TRAPPC9: variants seen among roughly 807,000 people sequenced by gnomAD.
TRAPPC9 encodes IKK2 binding protein.
TRAPPC9 carries 83 observed loss-of-function variants against 124.0 expected under a neutral mutation model. That is an observed-to-expected ratio of 0.67 (90% CI 0.56 to 0.80). The LOEUF is 0.80. Among genes scored for constraint, TRAPPC9 ranks in the 30% least tolerant of loss-of-function variants. TRAPPC9 has a pLI of 0.00. For missense variants in TRAPPC9, 1,302 were observed against 1,508.3 expected (o/e 0.86, Z 2.27); for synonymous variants, 638 against 617.5 (o/e 1.03, Z -0.49).
In TRAPPC9 at chr8:140,378,706, C is replaced by T. The variant is rs79216934; in HGVS notation, c.1135-7526G>A. On this transcript the variant is annotated intron_variant, in intron 7 of 22. Transcript: ENST00000438773. The stretch of plus-strand genomic sequence containing the variant: ...TTTTCTATTTCATTCTTTTGCTAAA[C>T]GTGTCGTTTAGGGGATCTTGGCTTT... Among the ~76,000 whole-genome samples the T allele has an allele frequency of 6.1e-3, 934 of 152,222 alleles. 16 individuals carry two copies. Among genetic ancestry groups the T allele is most frequent in the African/African-American group, 0.021 (877 of 41,544 alleles).
At chr8:140,132,457 C>T (rs773417232) in intron 17 of TRAPPC9, among the ~76,000 whole-genome samples, 9 of 152,202 alleles carry the variant, frequency 5.9e-5, no homozygotes, top group Non-Finnish European at 1.2e-4. Context: ...AGATTGCCAT[C>T]ATCTTCCCTG....
chr8:140,458,325 G>A (rs977903183), upstream of TRAPPC9: 1 of 1,576,192 alleles, frequency 6.3e-7, no homozygotes, highest in Non-Finnish European at 8.6e-7. Context: ...CCTCTGTGAA[G>A]CTCAGGGGTG....
chr8:139,901,944 C>T lies in TRAPPC9; in HGVS notation c.2964+8203G>A, dbSNP rs145378686. Among the ~76,000 whole-genome samples, 70 of 152,236 alleles carry T rather than the reference C, an allele frequency of 4.6e-4. No homozygotes were observed. The East Asian group carries it at 0.012, about 26-fold the overall frequency. ...ATAAATCTGTATAAATTGCCCAGAA[C>T]GGTGCCTGGCATCTAGTAAGTGCCA... On this transcript the variant is annotated intron_variant, in intron 20 of 22. Transcript: ENST00000438773.
At chr8:139,758,187 T>A (rs1164623658) in intron 21 of TRAPPC9, among the ~76,000 whole-genome samples, 2 of 152,202 alleles carry the variant, frequency 1.3e-5, no homozygotes, top group Admixed American at 1.3e-4. Flanking sequence ...AGGGCCGGGA[T>A]GGCTGGAGGT....
chr8:140,358,769 C>A (rs773213661), intron 9 of TRAPPC9, among the ~76,000 whole-genome samples: 28 of 152,328 alleles, frequency 1.8e-4, no homozygotes, highest in Non-Finnish European at 3.5e-4. Context: ...AGTAATGAGT[C>A]GCCCAGACGG....
At chr8:139,890,169 G>T (rs1316706204) in intron 20 of TRAPPC9, among the ~76,000 whole-genome samples, 1 of 152,236 alleles carries the variant, frequency 6.6e-6, no homozygotes, top group African/African-American at 2.4e-5. Flanking sequence ...AGCACACGTG[G>T]AACCCAGTGG....
intron 16 of TRAPPC9, among the ~76,000 whole-genome samples, chr8:140,234,918 G>T (rs2063695668): frequency 6.6e-6 from 1 of 152,142 alleles, no homozygotes; most frequent in Non-Finnish European, 1.5e-5. Flanking sequence ...ACAAAAATTA[G>T]TGCTAACCAA....
Position 140,093,039 on chromosome 8 carries a change from A to G in TRAPPC9, c.2557-68960T>C, listed in dbSNP as rs570356253. Among the ~76,000 whole-genome samples, 432 of 152,140 alleles carry G rather than the reference A, an allele frequency of 2.8e-3. 2 individuals are homozygous for G. The highest frequency in any genetic ancestry group is 4.8e-3 in the Non-Finnish European group (327 of 67,988). ...GCAAGTATCTGAATGAAAAAAAAAA[A>G]AAGCTTTCCAGAATGTCCCCCTGCT... On this transcript the variant is annotated intron_variant, in intron 17 of 22. Transcript: ENST00000438773.
At chr8:140,113,626 T>C (rs2060823655) in intron 17 of TRAPPC9, among the ~76,000 whole-genome samples, 1 of 152,148 alleles carries the variant, frequency 6.6e-6, no homozygotes, top group African/African-American at 2.4e-5. Context: ...GCGGGGACCC[T>C]CCACTGTGAA....
chr8:139,772,566 C>T (rs1821043432), intron 21 of TRAPPC9, among the ~76,000 whole-genome samples: 1 of 152,216 alleles, frequency 6.6e-6, no homozygotes, highest in Non-Finnish European at 1.5e-5. Context: ...ACTGCCTTGC[C>T]TGGAGTCGGC....
At chr8:140,129,616 A>G (rs970743111) in intron 17 of TRAPPC9, among the ~76,000 whole-genome samples, 2 of 152,194 alleles carry the variant, frequency 1.3e-5, no homozygotes, top group Non-Finnish European at 2.9e-5. Flanking sequence ...GGGTACACAC[A>G]GGAGGATTGA....
intron 17 of TRAPPC9, among the ~76,000 whole-genome samples, chr8:140,036,291 G>A (rs1326977155): frequency 6.6e-6 from 1 of 152,152 alleles, no homozygotes; most frequent in Non-Finnish European, 1.5e-5. Context: ...TAAAGAGGAG[G>A]TGCCAAGCTA....
chr8:140,344,272 A>G (rs2067273988), intron 9 of TRAPPC9, among the ~76,000 whole-genome samples: 1 of 152,176 alleles, frequency 6.6e-6, no homozygotes, highest in Non-Finnish European at 1.5e-5. Flanking sequence ...TGTGAGAGGT[A>G]AATGTCCCTT....
intron 10 of TRAPPC9, among the ~76,000 whole-genome samples, chr8:140,308,468 G>A (rs569921402): frequency 9.2e-5 from 14 of 152,070 alleles, no homozygotes; most frequent in East Asian, 5.8e-4. Context: ...GACCAGGTAC[G>A]ATCCACGTGA....
At chr8:140,126,960 G>T (rs1316031612) in intron 17 of TRAPPC9, among the ~76,000 whole-genome samples, 1 of 152,218 alleles carries the variant, frequency 6.6e-6, no homozygotes, top group Non-Finnish European at 1.5e-5. Context: ...CCCAGATGGG[G>T]CTGGGTGATA....
At position 139,800,557 on chromosome 8, in the gene TRAPPC9, G is replaced by A. The variant is rs139712674; in HGVS notation, c.3056-68355C>T. On this transcript the variant is annotated intron_variant, in intron 21 of 22. Coordinates refer to ENST00000438773, the MANE Select transcript of TRAPPC9 (RefSeq NM_001160372.4). The stretch of plus-strand genomic sequence containing the variant: ...CCCAGAAAGAGCAAGTGCCCCTCCC[G>A]GGAAGGAACTGACAGCTGTTCCCGA... 4.2e-3 allele frequency among the ~76,000 whole-genome samples: 640 copies of A among 152,326 alleles called. 2 individuals are homozygous for A. The highest frequency in any genetic ancestry group is 0.01 in the Middle Eastern group (3 of 294).
intron 17 of TRAPPC9, chr8:140,100,381 G>C (rs565442991): frequency 6.6e-6 from 1 of 152,456 alleles, no homozygotes; most frequent in East Asian, 1.9e-4. Context: ...ATGGCTTCAG[G>C]AGTGCCTCAA....
intron 21 of TRAPPC9, among the ~76,000 whole-genome samples, chr8:139,809,567 T>C (rs73726657): frequency 0.024 from 3,597 of 152,302 alleles, 138 homozygotes; most frequent in African/African-American, 0.082. Flanking sequence ...GGCCTTTCTG[T>C]GGCCTCAGGA....
intron 17 of TRAPPC9, among the ~76,000 whole-genome samples, chr8:140,080,290 A>G (rs1843740779): frequency 6.6e-6 from 1 of 152,228 alleles, no homozygotes; most frequent in Admixed American, 6.5e-5. Context: ...GTGATGCACA[A>G]CAGCTAACAG....
Sources: gnomAD v4.1 joint callset for allele counts (sites outside exome capture counted in the v4.1 genomes callset) on GRCh38, gnomAD v4.1.1 for gene constraint, MANE v1.5 for transcripts, NCBI Gene and HGNC (gene_info 2026-07-23, HGNC 2026-07-21) for gene names.